Variants in TENM2 observed in about 807,000 individuals in gnomAD.
TENM2 encodes the protein teneurin transmembrane protein 2, also known as teneurin-2.
Under a neutral mutation model 245.2 loss-of-function variants are expected in TENM2, and 52 were observed. That is an observed-to-expected ratio of 0.21 (90% CI 0.17 to 0.27). TENM2 has a LOEUF of 0.27. Ranked by LOEUF, TENM2 falls within the 10% of genes least tolerant of loss-of-function variation. TENM2 has a pLI of 1.00. For missense variants in TENM2, 3,046 were observed against 3,666.8 expected, an observed-to-expected ratio of 0.83 and a Z score of 4.37; for synonymous variants, 1,363 against 1,438.9, an observed-to-expected ratio of 0.95 and a Z score of 1.19.
At chr5:167,650,853 C>G (rs1322778619) in intron 2 of TENM2, among the ~76,000 whole-genome samples, 1 of 152,060 alleles carries the variant, frequency 6.6e-6, no homozygotes. Flanking sequence ...CCAGTATAAA[C>G]CAATGCATGT....
chr5:167,755,698 A>T (rs183410683), intron 2 of TENM2, among the ~76,000 whole-genome samples: 6 of 152,286 alleles, frequency 3.9e-5, no homozygotes, highest in South Asian at 2.1e-4. Flanking sequence ...TTTTTAAAAT[A>T]GGCAAAAGGA....
intron 2 of TENM2, among the ~76,000 whole-genome samples, chr5:167,741,946 T>C (rs1761204327): frequency 6.6e-6 from 1 of 152,166 alleles, no homozygotes; most frequent in South Asian, 2.1e-4. Flanking sequence ...CTGTTTTGAT[T>C]GGATGCAGGA....
chr5:168,189,664 T>C (rs1364504994), intron 13 of TENM2, among the ~76,000 whole-genome samples: 1 of 152,204 alleles, frequency 6.6e-6, no homozygotes, highest in African/African-American at 2.4e-5. Context: ...AGGTTTCCAA[T>C]TGGTCAGCAG....
At chr5:167,055,179 T>C in the TENM2 span, among the ~76,000 whole-genome samples, 9 of 152,280 alleles carry the variant, frequency 5.9e-5, no homozygotes, top group East Asian at 1.7e-3. Context: ...TTTAGATCTC[T>C]GATCCATTTT....
chr5:167,647,601 CA>C lies in TENM2; in HGVS notation c.503-228383del, dbSNP rs1400288673. 2.0e-5 allele frequency among the ~76,000 whole-genome samples: 3 copies of C among 151,858 alleles called. No homozygotes were observed. In the East Asian group the frequency reaches 5.8e-4, roughly 29 times the overall value. On this transcript the variant is annotated intron_variant, in intron 2 of 28. Transcript: ENST00000518659. ...TCGCGCCATTGCTCTCCAGCCCGGG[CA>C]ACAGAGAGAGACTTAGTCTCAAAAA...
At chr5:167,450,827 C>G (rs1418978133) in intron 2 of TENM2, among the ~76,000 whole-genome samples, 1 of 152,058 alleles carries the variant, frequency 6.6e-6, no homozygotes, top group Non-Finnish European at 1.5e-5. Context: ...AGATACCTTA[C>G]TGGGTGGTAT....
At position 167,568,738 on chromosome 5, in the gene TENM2, A is replaced by G. The variant is rs528665863; in HGVS notation, c.502+193265A>G. 4.6e-5 allele frequency among the ~76,000 whole-genome samples: 7 copies of G among 152,108 alleles called. No individual in the cohort carries two copies. In the South Asian group the frequency reaches 1.5e-3, roughly 32 times the overall value. ...TATTCAACTTGTTGAAAATTCAACA[A>G]TATTGTTCATCACCATGTACACAGA... On this transcript the variant is annotated intron_variant, in intron 2 of 28. Coordinates refer to ENST00000518659, the Ensembl canonical transcript of TENM2.
chr5:168,107,623 G>T (rs1794357726), intron 9 of TENM2, among the ~76,000 whole-genome samples: 1 of 152,082 alleles, frequency 6.6e-6, no homozygotes, highest in African/African-American at 2.4e-5. Context: ...TTCTTAGAAT[G>T]ATGTCCAAGG....
chr5:167,704,835 C>T (rs761317193), intron 2 of TENM2, among the ~76,000 whole-genome samples: 2 of 152,038 alleles, frequency 1.3e-5, no homozygotes, highest in Non-Finnish European at 2.9e-5. Context: ...ATGATGTCTT[C>T]GAGGCTTTTC....
At chr5:167,397,194 G>T (rs1762102571) in intron 2 of TENM2, among the ~76,000 whole-genome samples, 1 of 151,832 alleles carries the variant, frequency 6.6e-6, no homozygotes, top group Admixed American at 6.6e-5. Context: ...GTCAGAATGA[G>T]TCACAAAACC....
intron 2 of TENM2, among the ~76,000 whole-genome samples, chr5:167,526,629 G>T (rs561588159): frequency 6.6e-6 from 1 of 151,818 alleles, no homozygotes; most frequent in African/African-American, 2.4e-5. Context: ...TTATTAAAAA[G>T]TTATTTTATA....
At chr5:167,152,857 G>T in the TENM2 span, among the ~76,000 whole-genome samples, 1 of 152,094 alleles carries the variant, frequency 6.6e-6, no homozygotes, top group African/African-American at 2.4e-5. Context: ...CTTCTACATT[G>T]TTTATTTCTG....
At chr5:167,068,415 G>A in the TENM2 span, among the ~76,000 whole-genome samples, 1 of 152,078 alleles carries the variant, frequency 6.6e-6, no homozygotes, top group Non-Finnish European at 1.5e-5. Context: ...TTTTTAATAG[G>A]CACATGATAA....
At chr5:168,185,901 A>G (rs1365672032) in intron 13 of TENM2, among the ~76,000 whole-genome samples, 2 of 139,686 alleles carry the variant, frequency 1.4e-5, no homozygotes, top group Non-Finnish European at 3.1e-5. Flanking sequence ...GACATATACT[A>G]TATACCAGAC....
chr5:167,703,281 G>T (rs572940685), intron 2 of TENM2, among the ~76,000 whole-genome samples: 1 of 151,974 alleles, frequency 6.6e-6, no homozygotes. Context: ...CCTGTAATCC[G>T]AGAACTTTGG....
intron 2 of TENM2, among the ~76,000 whole-genome samples, chr5:167,699,730 A>C (rs1248800376): frequency 1.3e-5 from 2 of 152,346 alleles, no homozygotes; most frequent in South Asian, 4.1e-4. Context: ...GTTGAGAGAC[A>C]CAGACTGGCA....
At chr5:167,937,488 A>G (rs894786008) in intron 3 of TENM2, among the ~76,000 whole-genome samples, 5 of 152,208 alleles carry the variant, frequency 3.3e-5, no homozygotes, top group Non-Finnish European at 7.3e-5. Context: ...ACCCACCAGC[A>G]ATGTGTGAGA....
the TENM2 span, among the ~76,000 whole-genome samples, chr5:167,045,145 T>G: frequency 1.3e-5 from 2 of 152,128 alleles, no homozygotes; most frequent in African/African-American, 4.8e-5. Context: ...GAGGATACCA[T>G]GGGTATGGAC....
the TENM2 span, among the ~76,000 whole-genome samples, chr5:167,057,913 A>C: frequency 6.6e-6 from 1 of 152,090 alleles, no homozygotes; most frequent in South Asian, 2.1e-4. Flanking sequence ...GTCCTGCTGG[A>C]GTTTTTAAAT....
Sources: gnomAD v4.1 joint callset for allele counts (sites outside exome capture counted in the v4.1 genomes callset) on GRCh38, gnomAD v4.1.1 for gene constraint, MANE v1.5 for transcripts, NCBI Gene and HGNC (gene_info 2026-07-23, HGNC 2026-07-21) for gene names.